GALC: variants seen among roughly 807,000 people sequenced by gnomAD.
GALC encodes galactocerebrosidase.
Under a neutral mutation model 91.8 loss-of-function variants are expected in GALC, and 77 were observed. The observed-to-expected ratio is 0.84, with a 90% confidence interval of 0.70 to 1.01. The LOEUF is 1.01. GALC is among the 50% of genes least tolerant of loss of function. The pLI, the probability that GALC is intolerant of heterozygous loss-of-function variation, is 0.00. For synonymous variants in GALC, 357 were observed against 306.7 expected, an observed-to-expected ratio of 1.16 and a Z score of -1.71; for missense variants, 882 against 855.9, an observed-to-expected ratio of 1.03 and a Z score of -0.38.
intron 10 of GALC, chr14:87,954,893 C>A: frequency 6.3e-7 from 1 of 1,579,902 alleles, no homozygotes; most frequent in Non-Finnish European, 8.7e-7. Flanking sequence ...TATAGGCCAG[C>A]TTTAATGACT....
chr14:87,963,630 A>C (rs1214367979), intron 9 of GALC, 119 bp from the exon 10 acceptor site: 6 of 837,390 alleles, frequency 7.2e-6, no homozygotes, highest in Non-Finnish European at 1.1e-5. Context: ...GCTATTTTCT[A>C]TTTTGCAGGA....
In GALC at chr14:87,982,350, A is replaced by G; in HGVS notation, c.583-107T>C. 8 of 756,084 alleles carry G rather than the reference A, an allele frequency of 1.1e-5. No individual in the cohort carries two copies. In the South Asian group the frequency reaches 1.3e-4, roughly 12 times the overall value. 46.8% of individuals were successfully genotyped at this position (756,084 alleles called of 1,614,324 possible). A position where few individuals can be genotyped will look rare whatever the true frequency, so the allele number is the denominator to read the frequency against. On this transcript the variant is annotated intron_variant, in intron 5 of 16. Transcript: ENST00000261304. ...CTCATCATCTTTCATATTATCTGATACGCCATTTTTTAACTTTATGGGATA... is the reference window on the plus strand; with the variant it reads ...CTCATCATCTTTCATATTATCTGATGCGCCATTTTTTAACTTTATGGGATA...
rs1884463683 is a variant in GALC, at chr14:87,933,970, A to G, written c.*762T>C. 6 of 1,532,864 alleles carry G rather than the reference A, an allele frequency of 3.9e-6. No individual in the cohort carries two copies. Among genetic ancestry groups the G allele is most frequent in the East Asian group, 2.4e-5 (1 of 41,008 alleles). The allele number at this position is 1,532,864 out of a possible 1,614,324, so 95.0% of individuals were successfully genotyped here. ...GGAAACGACTACAACAGCATTGGCT[A>G]TATCAGGTTTTCTTCCTTCTTCCAG... On this transcript the variant is annotated 3_prime_UTR_variant, in exon 17 of 17. Coordinates refer to ENST00000261304, the MANE Select transcript of GALC (RefSeq NM_000153.4).
chr14:87,993,587 G>A, upstream of GALC: 1 of 997,594 alleles, frequency 1.0e-6, no homozygotes, highest in Non-Finnish European at 1.5e-6. Flanking sequence ...CTTTGCTTTT[G>A]GAGCCTGAGT....
intron 10 of GALC, among the ~76,000 whole-genome samples, chr14:87,956,469 T>C (rs1002092557): frequency 2.0e-5 from 3 of 151,624 alleles, no homozygotes; most frequent in Non-Finnish European, 2.9e-5. Context: ...TTCAAAGAAA[T>C]AGGCATTATT....
At chr14:87,960,650 T>C (rs772167667) in intron 10 of GALC, among the ~76,000 whole-genome samples, 28 of 152,212 alleles carry the variant, frequency 1.8e-4, no homozygotes, top group Non-Finnish European at 2.9e-4. Flanking sequence ...CAGAAAAAAA[T>C]TGAGGTTCTA....
intron 10 of GALC, among the ~76,000 whole-genome samples, chr14:87,951,784 T>C (rs1004045641): frequency 6.6e-6 from 1 of 151,972 alleles, no homozygotes; most frequent in Non-Finnish European, 1.5e-5. Flanking sequence ...TTCAGCTTTA[T>C]GAAAATGAAA....
At chr14:87,944,687 G>A (rs1595193153) in intron 14 of GALC, among the ~76,000 whole-genome samples, 1 of 151,974 alleles carries the variant, frequency 6.6e-6, no homozygotes, top group Non-Finnish European at 1.5e-5. Context: ...CAGAGCTTGG[G>A]ACTAGAATCA....
chr14:87,959,491 G>A (rs4283160), intron 10 of GALC: 17,200 of 152,008 alleles, frequency 0.11, 1,143 homozygotes, highest in Non-Finnish European at 0.16. Context: ...AGGCTGAGGC[G>A]GGCAGATCAC....
Position 87,934,212 on chromosome 14 carries a change from A to T in GALC, c.*520T>A. ...TCATCTTAAAAAGGAAAATAAAAAA[A>T]TACTTTTTAGAGCATAAAGCATAAC... On this transcript the variant is annotated 3_prime_UTR_variant, in exon 17 of 17. Coordinates refer to ENST00000261304, the MANE Select transcript of GALC (RefSeq NM_000153.4). The T allele has an allele frequency of 1.4e-6, 2 of 1,394,670 alleles. No individual in the cohort carries two copies. The highest frequency in any genetic ancestry group is 1.9e-6 in the Non-Finnish European group (2 of 1,077,550). The allele number at this position is 1,394,670 out of a possible 1,614,324, so 86.4% of individuals were successfully genotyped here.
intron 1 of GALC, chr14:87,992,415 A>G (rs1049183733): frequency 4.1e-5 from 63 of 1,535,454 alleles, no homozygotes; most frequent in Middle Eastern, 1.7e-4. Flanking sequence ...CCTGCCTCCA[A>G]ACGAAATCCT....
intron 1 of GALC, among the ~76,000 whole-genome samples, chr14:87,991,762 G>A (rs867511939): frequency 2.6e-5 from 4 of 152,180 alleles, no homozygotes; most frequent in African/African-American, 4.8e-5. Flanking sequence ...TTTGAATTAC[G>A]AAATGATTCT....
chr14:87,953,971 G>A, intron 10 of GALC: 8 of 1,609,054 alleles, frequency 5.0e-6, no homozygotes, highest in Non-Finnish European at 6.8e-6. Flanking sequence ...GCAGCATTTT[G>A]GGCATATACA....
chr14:87,981,831 G>A (rs1256596117), intron 6 of GALC, among the ~76,000 whole-genome samples: 1 of 151,972 alleles, frequency 6.6e-6, no homozygotes, highest in East Asian at 1.9e-4. Context: ...TAGAATATAT[G>A]CCATAAGTTT....
chr14:87,965,714 T>G, intron 8 of GALC, 85 bp from the exon 9 acceptor site: 2 of 1,302,416 alleles, frequency 1.5e-6, no homozygotes, highest in South Asian at 1.2e-5. Context: ...AAAGACTTTA[T>G]CATAGTAATA....
At chr14:87,986,371 GGTAGCATTAA>G in intron 4 of GALC, 108 bp downstream of exon 4, 3 of 721,296 alleles carry the variant, frequency 4.2e-6, no homozygotes, top group Non-Finnish European at 5.0e-6. Flanking sequence ...GTAGCATACT[GGTAGCATTAA>G]TGACATTATG....
At chr14:87,953,254 G>A in intron 10 of GALC, 1 of 1,504,562 alleles carries the variant, frequency 6.6e-7, no homozygotes. Context: ...TGCTTTTTTA[G>A]CTCAAAAGAA....
At chr14:87,944,707 A>G (rs1413744350) in intron 14 of GALC, among the ~76,000 whole-genome samples, 1 of 152,002 alleles carries the variant, frequency 6.6e-6, no homozygotes, top group Non-Finnish European at 1.5e-5. Context: ...AGGATTTCTA[A>G]CTGGGAGTAA....
upstream of GALC, chr14:87,993,208 T>G (rs537840668): frequency 4.3e-5 from 66 of 1,552,484 alleles, no homozygotes; most frequent in South Asian, 7.8e-4. Flanking sequence ...GCGGGTCCCG[T>G]CGCCGCCACG....
Sources: gnomAD v4.1 joint callset for allele counts (sites outside exome capture counted in the v4.1 genomes callset) on GRCh38, gnomAD v4.1.1 for gene constraint, MANE v1.5 for transcripts, NCBI Gene and HGNC (gene_info 2026-07-23, HGNC 2026-07-21) for gene names.